B3GALT1: variants seen among roughly 807,000 people sequenced by gnomAD.
B3GALT1 encodes the protein UDP-Gal:betaGlcNAc beta 1,3-galactosyltransferase, polypeptide 1.
Under a neutral mutation model 23.2 loss-of-function variants are expected in B3GALT1, and 10 were observed. That is an observed-to-expected ratio of 0.43 (90% CI 0.27 to 0.73). The LOEUF (loss-of-function observed/expected upper bound fraction) is 0.73, where lower values mean the gene tolerates loss of function less well. B3GALT1 is among the 30% of genes least tolerant of loss of function. The pLI is 0.21. For synonymous variants in B3GALT1, 156 were observed against 141.5 expected (o/e 1.10, Z -0.73); for missense variants, 299 against 405.4 (o/e 0.74, Z 2.25).
At chr2:167,861,109 A>G (rs1365737667) in intron 4 of B3GALT1, among the ~76,000 whole-genome samples, 2 of 152,214 alleles carry the variant, frequency 1.3e-5, no homozygotes, top group Admixed American at 1.3e-4. Context: ...CATTACCATG[A>G]TGCCAAACCA....
intron 3 of B3GALT1, among the ~76,000 whole-genome samples, chr2:167,781,139 G>A (rs1057368782): frequency 1.3e-5 from 2 of 152,122 alleles, no homozygotes; most frequent in Non-Finnish European, 2.9e-5. Flanking sequence ...TGGTACATAA[G>A]CATAAGAAAG....
chr2:167,437,820 C>G (rs973008773), intron 1 of B3GALT1, among the ~76,000 whole-genome samples: 4 of 152,114 alleles, frequency 2.6e-5, no homozygotes, highest in African/African-American at 9.7e-5. Flanking sequence ...CCCAGATTAG[C>G]TTGACTGTCA....
intron 3 of B3GALT1, among the ~76,000 whole-genome samples, chr2:167,801,065 A>C (rs1022965343): frequency 1.3e-5 from 2 of 152,246 alleles, no homozygotes; most frequent in Non-Finnish European, 2.9e-5. Context: ...ACATGTAAAT[A>C]ATGAGTAAAT....
chr2:167,645,553 A>ATTTT lies in B3GALT1; in HGVS notation c.-409-1333_-409-1330dup, dbSNP rs1195110974. ...GTTCTACCCTTGGCCACTGCCAATA[A>ATTTT]TTTTTTTTTTTTTTTTTTTTTTTTT... is the stretch of plus-strand genomic sequence containing the variant. On this transcript the variant is annotated intron_variant, in intron 2 of 4. Transcript: ENST00000392690. Among the ~76,000 whole-genome samples the ATTTT allele has an allele frequency of 6.1e-3, 529 of 87,068 alleles. 58 individuals are homozygous for ATTTT. Among genetic ancestry groups the ATTTT allele is most frequent in the Middle Eastern group, 0.029 (3 of 102 alleles). 57.1% of individuals were successfully genotyped at this position (87,068 alleles called of 152,430 possible).
intron 3 of B3GALT1, among the ~76,000 whole-genome samples, chr2:167,796,609 T>C (rs1688550243): frequency 6.6e-6 from 1 of 151,992 alleles, no homozygotes; most frequent in Admixed American, 6.6e-5. Flanking sequence ...ATTAGCCTGG[T>C]GTGGTGGTGC....
intron 2 of B3GALT1, among the ~76,000 whole-genome samples, chr2:167,532,203 A>G (rs530967564): frequency 6.6e-6 from 1 of 152,166 alleles, no homozygotes; most frequent in Non-Finnish European, 1.5e-5. Flanking sequence ...ATGCTAGCAT[A>G]TGAATTTTTA....
At chr2:167,371,079 G>GA (rs1317301503) in intron 1 of B3GALT1, among the ~76,000 whole-genome samples, 1 of 152,044 alleles carries the variant, frequency 6.6e-6, no homozygotes, top group Non-Finnish European at 1.5e-5. Context: ...ATCCCTTGGA[G>GA]AAAAAAGAAG....
intron 1 of B3GALT1, among the ~76,000 whole-genome samples, chr2:167,371,815 A>T (rs72623164): frequency 4.1e-4 from 4 of 9,836 alleles, no homozygotes; most frequent in East Asian, 0.062. Flanking sequence ...TTAAGATGAT[A>T]TTTTTTGCTA....
intron 2 of B3GALT1, among the ~76,000 whole-genome samples, chr2:167,644,300 G>A (rs1194164152): frequency 6.6e-6 from 1 of 152,010 alleles, no homozygotes; most frequent in Non-Finnish European, 1.5e-5. Context: ...GTTCTTACCA[G>A]TAGAAAACAA....
In B3GALT1 at chr2:167,561,765, G is replaced by T. The variant is rs1683999460; in HGVS notation, c.-410+71488G>T. Among the ~76,000 whole-genome samples, 3 of 152,188 alleles carry T rather than the reference G, an allele frequency of 2.0e-5. No homozygotes were observed. The South Asian group carries it at 6.2e-4, about 32-fold the overall frequency. On this transcript the variant is annotated intron_variant, in intron 2 of 4. Coordinates refer to ENST00000392690, the MANE Select transcript of B3GALT1 (RefSeq NM_020981.4). ...CCCAAGACTAAACCAAGAAGAAGTTGAATCTCTGAATAGACCAATAACAGG... is the reference window on the plus strand; with the variant it reads ...CCCAAGACTAAACCAAGAAGAAGTTTAATCTCTGAATAGACCAATAACAGG...
At chr2:167,667,402 C>T (rs912299703) in intron 3 of B3GALT1, among the ~76,000 whole-genome samples, 5 of 152,050 alleles carry the variant, frequency 3.3e-5, no homozygotes, top group African/African-American at 9.7e-5. Flanking sequence ...TTCATTTCAA[C>T]TTTGGTGAAT....
chr2:167,652,129 G>A (rs13394534), intron 3 of B3GALT1, among the ~76,000 whole-genome samples: 2,946 of 152,268 alleles, frequency 0.019, 42 homozygotes, highest in Non-Finnish European at 0.03. Flanking sequence ...CCTTGAAGCC[G>A]TTGACAGAGG....
intron 1 of B3GALT1, among the ~76,000 whole-genome samples, chr2:167,385,878 A>G (rs936666135): frequency 6.6e-6 from 1 of 152,188 alleles, no homozygotes; most frequent in African/African-American, 2.4e-5. Context: ...CTATCAACCC[A>G]TCTCCCCAAT....
In B3GALT1 at chr2:167,716,255, C is replaced by T. The variant is rs562269636; in HGVS notation, c.-352+69289C>T. On this transcript the variant is annotated intron_variant, in intron 3 of 4. Transcript: ENST00000392690. ...ACAGGCCTCACAGGCCCGTGCTGCC[C>T]CCCGCACCCTCCCTCGGCCCCCCTG... Among the ~76,000 whole-genome samples the T allele has an allele frequency of 7.9e-5, 12 of 152,116 alleles. 1 individual carries two copies. In the South Asian group the frequency reaches 2.1e-3, roughly 26 times the overall value.
intron 3 of B3GALT1, among the ~76,000 whole-genome samples, chr2:167,659,195 T>G (rs1686013305): frequency 1.3e-5 from 2 of 151,782 alleles, no homozygotes; most frequent in African/African-American, 4.8e-5. Flanking sequence ...GAAACTGATA[T>G]AAAAGCTTTA....
At chr2:167,660,060 TC>T (rs1296908649) in intron 3 of B3GALT1, among the ~76,000 whole-genome samples, 1 of 152,030 alleles carries the variant, frequency 6.6e-6, no homozygotes, top group East Asian at 1.9e-4. Context: ...CCCCAACTCC[TC>T]ATAGAAGGTG....
chr2:167,377,954 G>C (rs1022797626), intron 1 of B3GALT1, among the ~76,000 whole-genome samples: 1 of 152,084 alleles, frequency 6.6e-6, no homozygotes, highest in African/African-American at 2.4e-5. Context: ...ATGGTAACAG[G>C]TATTGTTCTT....
rs559453272 is a variant in B3GALT1, at chr2:167,708,776, G to C, written c.-352+61810G>C. 2.0e-5 allele frequency among the ~76,000 whole-genome samples: 3 copies of C among 152,290 alleles called. No homozygotes were observed. The South Asian group carries it at 6.2e-4, about 32-fold the overall frequency. ...CTAGCTCTCCCATTGTATACACCAAGCTTATTGATGTGCCCAGTTTCTCAT... is the reference window on the plus strand; with the variant it reads ...CTAGCTCTCCCATTGTATACACCAACCTTATTGATGTGCCCAGTTTCTCAT... On this transcript the variant is annotated intron_variant, in intron 3 of 4. Coordinates refer to ENST00000392690, the MANE Select transcript of B3GALT1 (RefSeq NM_020981.4).
intron 1 of B3GALT1, among the ~76,000 whole-genome samples, chr2:167,396,955 T>A (rs1698109315): frequency 6.6e-6 from 1 of 152,078 alleles, no homozygotes; most frequent in African/African-American, 2.4e-5. Flanking sequence ...ACTACAATTA[T>A]TTAAGAGAAG....
Sources: allele counts gnomAD v4.1 joint callset (sites outside exome capture counted in the v4.1 genomes callset), GRCh38; gene constraint gnomAD v4.1.1; transcripts MANE v1.5; gene names NCBI Gene and HGNC (gene_info 2026-07-23, HGNC 2026-07-21).